Variants in ANKRD44 observed in about 807,000 individuals in gnomAD.
ANKRD44 encodes the protein serine/threonine-protein phosphatase 6 regulatory ankyrin repeat subunit B.
In ANKRD44, 35 loss-of-function variants were observed where a neutral mutation model predicts 116.0. The observed-to-expected ratio is 0.30, with a 90% confidence interval of 0.23 to 0.40. ANKRD44 has a LOEUF of 0.40. ANKRD44 is among the 10% of genes least tolerant of loss of function. The pLI is 1.00. For synonymous variants in ANKRD44, 435 were observed against 461.8 expected, an observed-to-expected ratio of 0.94 and a Z score of 0.74; for missense variants, 1,014 against 1,242.6, an observed-to-expected ratio of 0.82 and a Z score of 2.77.
chr2:197,085,825 T>C (rs1279477207), intron 13 of ANKRD44, among the ~76,000 whole-genome samples: 1 of 152,190 alleles, frequency 6.6e-6, no homozygotes, highest in Non-Finnish European at 1.5e-5. Context: ...CACTTTACTC[T>C]ATGGACTCGC....
intron 2 of ANKRD44, among the ~76,000 whole-genome samples, chr2:197,151,140 A>T (rs1289266086): frequency 8.1e-6 from 1 of 123,528 alleles, no homozygotes; most frequent in Non-Finnish European, 1.7e-5. Context: ...AAAAAAAAAA[A>T]TGGGTTTTAG....
In ANKRD44 at chr2:197,006,010, C is replaced by T. The variant is rs2076195425; in HGVS notation, c.2131-100G>A. On this transcript the variant is annotated intron_variant, in intron 20 of 27. Coordinates refer to ENST00000282272, the MANE Select transcript of ANKRD44 (RefSeq NM_001195144.2). ...TGGGCTTAGAGCAAGTGGACATATGCCTGGGTCTTTAAGGAAGGCAGACTC... is the reference window on the plus strand; with the variant it reads ...TGGGCTTAGAGCAAGTGGACATATGTCTGGGTCTTTAAGGAAGGCAGACTC... 5 of 1,103,554 alleles carry T rather than the reference C, an allele frequency of 4.5e-6. No individual in the cohort carries two copies. In the Admixed American group the frequency reaches 9.2e-5, roughly 20 times the overall value. The allele number at this position is 1,103,554 out of a possible 1,614,324, so 68.4% of individuals were successfully genotyped here.
chr2:197,202,569 T>G (rs1311942062), intron 1 of ANKRD44, among the ~76,000 whole-genome samples: 1 of 151,992 alleles, frequency 6.6e-6, no homozygotes, highest in Non-Finnish European at 1.5e-5. Flanking sequence ...TACAGGCCTC[T>G]TTTTTGTTTT....
chr2:197,192,123 C>T (rs1559137770), intron 1 of ANKRD44, among the ~76,000 whole-genome samples: 1 of 152,180 alleles, frequency 6.6e-6, no homozygotes, highest in Non-Finnish European at 1.5e-5. Context: ...AATGAAACCA[C>T]CATTTTGATT....
intron 17 of ANKRD44, among the ~76,000 whole-genome samples, chr2:197,024,167 T>G (rs1462663522): frequency 6.6e-6 from 1 of 152,156 alleles, no homozygotes; most frequent in Non-Finnish European, 1.5e-5. Flanking sequence ...ACTCCTCTCT[T>G]CTCTCCAAAA....
chr2:197,201,508 T>C lies in ANKRD44; in HGVS notation c.28-14402A>G, dbSNP rs1241729710. 6.6e-6 allele frequency among the ~76,000 whole-genome samples: 1 copy of C among 152,154 alleles called. No homozygotes were observed. Among genetic ancestry groups the C allele is most frequent in the Non-Finnish European group, 1.5e-5 (1 of 68,024 alleles). ...CTGACATAACTGAGGTTGGTTCCTTTCCTGGTATCCACACTCCCCTCTCCT... is the reference window on the plus strand; with the variant it reads ...CTGACATAACTGAGGTTGGTTCCTTCCCTGGTATCCACACTCCCCTCTCCT... On this transcript the variant is annotated intron_variant, in intron 1 of 27. Coordinates refer to ENST00000282272, the MANE Select transcript of ANKRD44 (RefSeq NM_001195144.2). This position sits in a 1 kb window ranked among gnomAD's most constrained non-coding sequence, Gnocchi z 4.0.
intron 8 of ANKRD44, among the ~76,000 whole-genome samples, chr2:197,118,070 G>T (rs187476704): frequency 7.2e-5 from 11 of 151,728 alleles, no homozygotes; most frequent in African/African-American, 1.9e-4. Context: ...AAAATTAGCA[G>T]GGCGTGGTGG....
chr2:197,198,492 A>G (rs1243900909), intron 1 of ANKRD44, among the ~76,000 whole-genome samples: 1 of 152,044 alleles, frequency 6.6e-6, no homozygotes, highest in Non-Finnish European at 1.5e-5. Context: ...GTAATATGTG[A>G]ATCTAAAAGG....
chr2:196,989,716 T>C (rs2075886279), intron 27 of ANKRD44, 67 bp from the exon 28 acceptor site: 2 of 1,541,402 alleles, frequency 1.3e-6, no homozygotes, highest in East Asian at 4.9e-5. Context: ...TGGCAATCGG[T>C]TTTACATGCT....
At chr2:197,155,708 T>C (rs546507170) in intron 2 of ANKRD44, among the ~76,000 whole-genome samples, 3 of 152,274 alleles carry the variant, frequency 2.0e-5, no homozygotes, top group East Asian at 3.9e-4. Flanking sequence ...CTTAAAATTA[T>C]AAAATATCTA....
At chr2:197,015,819 TGAA>T in intron 17 of ANKRD44, 1 of 512,552 alleles carries the variant, frequency 2.0e-6, no homozygotes, top group Admixed American at 2.5e-5. Context: ...GTGGTTACAA[TGAA>T]GGAGGAAACT....
At position 197,178,631 on chromosome 2, in the gene ANKRD44, G is replaced by A. The variant is rs553080231; in HGVS notation, c.111+8392C>T. ...ACTCACCAAAGAAAAAATGCAAATA[G>A]CCAAAAAATATATTAGATGTTTACT... On this transcript the variant is annotated intron_variant, in intron 2 of 27. Coordinates refer to ENST00000282272, the MANE Select transcript of ANKRD44 (RefSeq NM_001195144.2). Among the ~76,000 whole-genome samples the A allele has an allele frequency of 7.2e-5, 11 of 152,154 alleles. No homozygotes were observed. The South Asian group carries it at 2.1e-3, about 29-fold the overall frequency.
chr2:196,980,449 T>C (rs760394178), intron 21 of ANKRD44, among the ~76,000 whole-genome samples: 4 of 152,216 alleles, frequency 2.6e-5, no homozygotes, highest in Non-Finnish European at 5.9e-5. Flanking sequence ...TAGAAACCCG[T>C]TAGCTTTCTA....
At chr2:197,200,140 T>C (rs1240740782) in intron 1 of ANKRD44, among the ~76,000 whole-genome samples, 1 of 152,224 alleles carries the variant, frequency 6.6e-6, no homozygotes, top group East Asian at 1.9e-4. Flanking sequence ...AAGACAGTAC[T>C]GAACCATGTT....
intron 4 of ANKRD44, among the ~76,000 whole-genome samples, chr2:197,127,446 C>T (rs2079001318): frequency 6.6e-6 from 1 of 152,084 alleles, no homozygotes; most frequent in Non-Finnish European, 1.5e-5. Flanking sequence ...AGCTCTTTAA[C>T]TTGGTTTTAC....
At chr2:196,978,084 T>C (rs2075772992) in intron 21 of ANKRD44, among the ~76,000 whole-genome samples, 1 of 152,200 alleles carries the variant, frequency 6.6e-6, no homozygotes, top group Admixed American at 6.5e-5. Context: ...GTTTGTTCCC[T>C]CCAAATCTCA....
chr2:196,973,013 T>C (rs1304342353), intron 21 of ANKRD44, among the ~76,000 whole-genome samples: 1 of 152,190 alleles, frequency 6.6e-6, no homozygotes, highest in Non-Finnish European at 1.5e-5. Context: ...CATCCTTCAA[T>C]TGCTATCTTA....
chr2:197,008,615 A>G (rs1378559708), intron 19 of ANKRD44, among the ~76,000 whole-genome samples: 1 of 152,234 alleles, frequency 6.6e-6, no homozygotes, highest in African/African-American at 2.4e-5. Context: ...TATTAATTAG[A>G]AAATGGCAAT....
intron 9 of ANKRD44, among the ~76,000 whole-genome samples, chr2:197,110,471 GA>G (rs939805601): frequency 2.0e-5 from 3 of 152,172 alleles, no homozygotes; most frequent in African/African-American, 7.2e-5. Flanking sequence ...GTTTCAGAGT[GA>G]GATGCACAGG....
Sources: gnomAD v4.1 joint callset for allele counts (sites outside exome capture counted in the v4.1 genomes callset) on GRCh38, gnomAD v4.1.1 for gene constraint, Gnocchi (gnomAD v3.1) non-coding constraint, MANE v1.5 for transcripts, NCBI Gene and HGNC (gene_info 2026-07-23, HGNC 2026-07-21) for gene names.